FRMD3: variants seen among roughly 807,000 people sequenced by gnomAD.
FRMD3 encodes FERM domain-containing protein 3.
A neutral mutation model predicts 70.2 loss-of-function variants in FRMD3; 33 were observed. That is an observed-to-expected ratio of 0.47 (90% CI 0.36 to 0.63). FRMD3 has a LOEUF of 0.63. Ranked by LOEUF, FRMD3 falls within the 20% of genes least tolerant of loss-of-function variation. The probability of loss-of-function intolerance (pLI) is 0.00; values close to 1 mark genes in which losing one functional copy is unlikely to be tolerated. For synonymous variants in FRMD3, 279 were observed against 255.9 expected (o/e 1.09, Z -0.86); for missense variants, 632 against 711.4 (o/e 0.89, Z 1.27).
intron 13 of FRMD3, among the ~76,000 whole-genome samples, chr9:83,281,812 A>T (rs916221892): frequency 6.6e-6 from 1 of 151,514 alleles, no homozygotes; most frequent in African/African-American, 2.4e-5. Flanking sequence ...CCTTCTCACC[A>T]CTCCTTCTAG....
chr9:83,350,844 T>C, intron 3 of FRMD3: 2 of 619,910 alleles, frequency 3.2e-6, no homozygotes, highest in Non-Finnish European at 4.0e-6. Context: ...AGATCTTCCA[T>C]TATAAGATCA....
At chr9:83,389,742 G>A (rs559961850) in intron 1 of FRMD3, 34 bp from the exon 2 acceptor site, 2 of 1,492,286 alleles carry the variant, frequency 1.3e-6, no homozygotes, top group Non-Finnish European at 1.9e-6. Context: ...CTCAGCCAGA[G>A]CTCACCTTGT....
chr9:83,548,089 G>A, the FRMD3 span, among the ~76,000 whole-genome samples: 134 of 152,172 alleles, frequency 8.8e-4, 4 homozygotes, highest in Non-Finnish European at 5.9e-4. Context: ...TAGTGAGAAC[G>A]TGGAGCAGAG....
At chr9:83,400,352 A>T (rs1262349559) in intron 1 of FRMD3, among the ~76,000 whole-genome samples, 1 of 152,206 alleles carries the variant, frequency 6.6e-6, no homozygotes, top group Non-Finnish European at 1.5e-5. Flanking sequence ...TATGTACAAA[A>T]TCTATATCAG....
At chr9:83,304,550 C>A (rs1835050967) in intron 10 of FRMD3, among the ~76,000 whole-genome samples, 2 of 152,194 alleles carry the variant, frequency 1.3e-5, no homozygotes, top group African/African-American at 2.4e-5. Flanking sequence ...CCAAGCATAA[C>A]ACTGTTCCTT....
intron 1 of FRMD3, among the ~76,000 whole-genome samples, chr9:83,397,459 G>A (rs1003635532): frequency 6.6e-6 from 1 of 152,122 alleles, no homozygotes; most frequent in African/African-American, 2.4e-5. Context: ...AACAACTGGG[G>A]TCCTAGGACA....
rs1166472419 is a variant in FRMD3 at position 83,336,359 on chromosome 9, C to T, written c.473-720G>A. On this transcript the variant is annotated intron_variant, in intron 5 of 13. Coordinates refer to ENST00000304195, the MANE Select transcript of FRMD3 (RefSeq NM_174938.6). ...ACATTTTTTAAAAATTTAATGCCCC[C>T]GCCCCAGTATTTCCAAATGCTCCCC... is the stretch of plus-strand genomic sequence containing the variant. Among the ~76,000 whole-genome samples, 3 of 151,090 alleles carry T rather than the reference C, an allele frequency of 2.0e-5. 1 individual carries two copies. Among genetic ancestry groups the T allele is most frequent in the Non-Finnish European group, 2.9e-5 (2 of 67,810 alleles).
the FRMD3 span, among the ~76,000 whole-genome samples, chr9:83,554,479 G>T: frequency 6.6e-6 from 1 of 152,234 alleles, no homozygotes; most frequent in African/African-American, 2.4e-5. Context: ...GTCAGCAATT[G>T]CTCAATGCAG....
Position 83,492,071 on chromosome 9 carries a change from C to A in FRMD3, c.147+46014G>T, listed in dbSNP as rs1828839273. Among the ~76,000 whole-genome samples the A allele has an allele frequency of 1.3e-5, 2 of 152,144 alleles. 1 individual carries two copies. The highest frequency in any genetic ancestry group is 4.1e-4 in the South Asian group (2 of 4,832). On this transcript the variant is annotated intron_variant, in intron 1 of 13. Coordinates refer to ENST00000304195, the MANE Select transcript of FRMD3 (RefSeq NM_174938.6). ...TGTAAAAATGTGTGTGCAACACACC[C>A]TGGGCCCCCAAGGGAAAAAGTCCCA...
rs537206968 is a variant in FRMD3 at position 83,414,192 on chromosome 9, A to C, written c.148-24484T>G. Among the ~76,000 whole-genome samples the C allele has an allele frequency of 2.0e-5, 3 of 152,286 alleles. No homozygotes were observed. The East Asian group carries it at 5.8e-4, about 29-fold the overall frequency. ...GCACAAGGTTTATTTTCCCTGGGTG[A>C]TGGAAATGTTCTAAAATTAGATTGG... On this transcript the variant is annotated intron_variant, in intron 1 of 13. Transcript: ENST00000304195.
chr9:83,284,061 A>ATTTTTTTTTTTTTTTTTTTTTTTTTTT (rs71365307), intron 13 of FRMD3, among the ~76,000 whole-genome samples: 4 of 101,712 alleles, frequency 3.9e-5, no homozygotes, highest in Non-Finnish European at 6.1e-5. Flanking sequence ...CTAGGATGTT[A>ATTTTTTTTTTTTTTTTTTTTTTTTTTT]TTTTTTTTTT....
intron 1 of FRMD3, among the ~76,000 whole-genome samples, chr9:83,514,435 A>G (rs1829409259): frequency 6.6e-6 from 1 of 152,204 alleles, no homozygotes; most frequent in Non-Finnish European, 1.5e-5. Context: ...TGGGCAGGCC[A>G]TCTCTGAAAG....
intron 1 of FRMD3, among the ~76,000 whole-genome samples, chr9:83,437,097 C>G (rs1587851357): frequency 6.6e-6 from 1 of 152,208 alleles, no homozygotes; most frequent in African/African-American, 2.4e-5. Context: ...CAAGGTGACA[C>G]GGAGTCTTGT....
At position 83,356,642 on chromosome 9, in the gene FRMD3, T is replaced by A. The variant is rs549651402; in HGVS notation, c.296-6885A>T. Among the ~76,000 whole-genome samples, 27 of 151,640 alleles carry A rather than the reference T, an allele frequency of 1.8e-4. No homozygotes were observed. In the East Asian group the frequency reaches 5.2e-3, roughly 29 times the overall value. On this transcript the variant is annotated intron_variant, in intron 3 of 13. Transcript: ENST00000304195. The stretch of plus-strand genomic sequence containing the variant: ...GTCATCATAAAGAATCATGGGGAAA[T>A]CAGAAGCGTAATTTCAGGACTATAC...
At chr9:83,443,760 G>C (rs1827376727) in intron 1 of FRMD3, among the ~76,000 whole-genome samples, 1 of 152,170 alleles carries the variant, frequency 6.6e-6, no homozygotes, top group African/African-American at 2.4e-5. Context: ...CCCACCAACA[G>C]TGTAAAAGCG....
intron 1 of FRMD3, among the ~76,000 whole-genome samples, chr9:83,422,478 C>T (rs1237054537): frequency 6.6e-6 from 1 of 152,164 alleles, no homozygotes; most frequent in Non-Finnish European, 1.5e-5. Context: ...CTCCGCTATA[C>T]CTGATGAAAA....
intron 2 of FRMD3, among the ~76,000 whole-genome samples, chr9:83,388,030 G>A (rs1825560776): frequency 6.6e-6 from 1 of 152,100 alleles, no homozygotes; most frequent in Non-Finnish European, 1.5e-5. Flanking sequence ...CCACTGCCCT[G>A]CCACCTTCGT....
chr9:83,533,485 C>T (rs991678434), intron 1 of FRMD3, among the ~76,000 whole-genome samples: 3 of 152,082 alleles, frequency 2.0e-5, no homozygotes, highest in Non-Finnish European at 1.5e-5. Flanking sequence ...AAATTGACTC[C>T]AAATGTCAAA....
intron 1 of FRMD3, among the ~76,000 whole-genome samples, chr9:83,457,504 A>G (rs986174605): frequency 9.2e-5 from 14 of 152,234 alleles, no homozygotes; most frequent in African/African-American, 3.4e-4. Context: ...TGTACCTGAC[A>G]TAGGATGGCA....
Sources: gnomAD v4.1 joint callset for allele counts (sites outside exome capture counted in the v4.1 genomes callset) on GRCh38, gnomAD v4.1.1 for gene constraint, MANE v1.5 for transcripts, NCBI Gene and HGNC (gene_info 2026-07-23, HGNC 2026-07-21) for gene names.